The following ZNF337 variants were observed in gnomAD, a reference collection of about 807,000 sequenced individuals.
ZNF337 encodes zinc finger protein 337.
ZNF337 carries 8 observed loss-of-function variants against 12.1 expected under a neutral mutation model. The ratio of observed to expected loss-of-function variants is 0.66; its 90% CI spans 0.39 to 1.19. ZNF337 has a LOEUF of 1.19. Among genes scored for constraint, ZNF337 ranks in the 50% most tolerant of loss-of-function variants. The pLI, the probability that ZNF337 is intolerant of heterozygous loss-of-function variation, is 0.01. For missense variants in ZNF337, 882 were observed against 896.6 expected (o/e 0.98, Z 0.21); for synonymous variants, 336 against 320.0 (o/e 1.05, Z -0.53).
At chr20:25,690,614 A>G (rs2065875670) in intron 1 of ZNF337, among the ~76,000 whole-genome samples, 1 of 152,210 alleles carries the variant, frequency 6.6e-6, no homozygotes, top group Non-Finnish European at 1.5e-5. Context: ...GCAAAGATGC[A>G]GACAGATTGA....
chr20:25,688,532 TATG>T (rs762784540), intron 1 of ZNF337, among the ~76,000 whole-genome samples: 26 of 152,364 alleles, frequency 1.7e-4, no homozygotes, highest in Admixed American at 3.9e-4. Context: ...CACCATTAAA[TATG>T]ATGATTGCAG....
intron 1 of ZNF337, among the ~76,000 whole-genome samples, chr20:25,688,132 T>A (rs2065851557): frequency 6.6e-6 from 1 of 152,266 alleles, no homozygotes; most frequent in Admixed American, 6.5e-5. Flanking sequence ...ATCTGTGCTA[T>A]CTTTACCTAT....
In ZNF337 at chr20:25,682,432, T is replaced by C. The variant is rs1052472475; in HGVS notation, c.250+3135A>G. 3.9e-5 allele frequency among the ~76,000 whole-genome samples: 6 copies of C among 152,298 alleles called. No individual in the cohort carries two copies. The South Asian group carries it at 8.3e-4, about 21-fold the overall frequency. On this transcript the variant is annotated intron_variant, in intron 4 of 4. Coordinates refer to ENST00000252979, the MANE Select transcript of ZNF337 (RefSeq NM_015655.4). ...TTAGTAGATATGGAACAATCCACTA[T>C]GAATATAGAAGATGTAAAAATCATC...
intron 1 of ZNF337, 148 bp from the exon 2 acceptor site, chr20:25,686,614 G>A: frequency 1.7e-6 from 1 of 599,348 alleles, no homozygotes; most frequent in East Asian, 2.9e-5. Context: ...GGTCTAGGGA[G>A]CCAGGCTCCC....
In ZNF337 at chr20:25,675,868, T is replaced by G; in HGVS notation, c.1420A>C (p.Thr474Pro). Residue 474 changes from threonine (T) to proline (P), a missense_variant, in exon 5 of 5, where the codon ACC becomes CCC. By Grantham distance (38) the Thr-to-Pro change is conservative (BLOSUM62 -1). Transcript: ENST00000252979. ...DCGRGFIQKS[T>P]FTLHQRTHSE... The stretch of plus-strand genomic sequence containing the variant: ...TGTGTCCTCTGGTGTAAAGTGAAGG[T>G]TGACTTTTGGATAAAGCCTCGTCCA... 2 of 1,613,582 alleles carry G rather than the reference T, an allele frequency of 1.2e-6. No homozygotes were observed. Among genetic ancestry groups the G allele is most frequent in the South Asian group, 2.2e-5 (2 of 91,038 alleles).
chr20:25,676,372 A>G lies in ZNF337; in HGVS notation c.916T>C (p.Ser306Pro). ...TGCGCCTTCAAGTGCTTGTTGTATG[A>G]GGACTTATCGTTAAACCTTCGCCCA... ...ECGRRFNDKS[S>P]YNKHLKAHSG... is the part of the protein sequence containing the mutation. Residue 306 changes from serine to proline, a missense_variant, in exon 5 of 5, where the codon TCA becomes CCA. Transcript: ENST00000252979. 2 of 1,613,202 alleles carry G rather than the reference A, an allele frequency of 1.2e-6. No individual in the cohort carries two copies. The highest frequency in any genetic ancestry group is 8.5e-7 in the Non-Finnish European group (1 of 1,179,814).
chr20:25,696,091 C>A (rs1393737472), intron 1 of ZNF337, among the ~76,000 whole-genome samples: 1 of 100,530 alleles, frequency 9.9e-6, no homozygotes, highest in Non-Finnish European at 2.0e-5. Flanking sequence ...CGCAGATCCC[C>A]CCCCCCCCCC....
intron 1 of ZNF337, among the ~76,000 whole-genome samples, chr20:25,696,248 C>T (rs561049811): frequency 6.6e-6 from 1 of 152,118 alleles, no homozygotes; most frequent in Non-Finnish European, 1.5e-5. Context: ...TCCCCTGTCC[C>T]GCCTCCCACA....
chr20:25,696,828 A>G lies in ZNF337; in HGVS notation c.-119T>C, dbSNP rs1033937287. 6.4e-5 allele frequency: 63 copies of G among 985,308 alleles called. No individual in the cohort carries two copies. Among genetic ancestry groups the G allele is most frequent in the Non-Finnish European group, 7.2e-5 (60 of 829,942 alleles). 61.0% of individuals were successfully genotyped at this position (985,308 alleles called of 1,614,324 possible). Reference sequence around the variant, plus strand: ...GGACCACGCATCTCACGGCTCGCTGACGCCCAGGGATCTGGAACGCTCTGC... The same window carrying G: ...GGACCACGCATCTCACGGCTCGCTGGCGCCCAGGGATCTGGAACGCTCTGC... On this transcript the variant is annotated 5_prime_UTR_variant, in exon 1 of 5. Coordinates refer to ENST00000252979, the MANE Select transcript of ZNF337 (RefSeq NM_015655.4).
chr20:25,674,849 T>C lies in ZNF337; in HGVS notation c.*183A>G. The C allele has an allele frequency of 1.6e-6, 1 of 614,708 alleles. No homozygotes were observed. Among genetic ancestry groups the C allele is most frequent in the East Asian group, 2.8e-5 (1 of 36,344 alleles). The allele number at this position is 614,708 out of a possible 1,614,324, so 38.1% of individuals were successfully genotyped here. ...AACTGGCATCTCTGTTCCCTAAACATTGACCTCTTTTCTCTGAATCTCTTG... is the reference window on the plus strand; with the variant it reads ...AACTGGCATCTCTGTTCCCTAAACACTGACCTCTTTTCTCTGAATCTCTTG... On this transcript the variant is annotated 3_prime_UTR_variant, in exon 5 of 5. Transcript: ENST00000252979.
chr20:25,683,758 C>T (rs919300989), intron 4 of ZNF337, among the ~76,000 whole-genome samples: 8 of 152,100 alleles, frequency 5.3e-5, no homozygotes, highest in African/African-American at 1.4e-4. Context: ...GTTGGTGGGA[C>T]TGTAAACTAG....
chr20:25,686,363 C>T, intron 2 of ZNF337, 28 bp downstream of exon 2: 1 of 1,605,030 alleles, frequency 6.2e-7, no homozygotes, highest in Non-Finnish European at 8.5e-7. Context: ...CCTGTGACAG[C>T]AAGAACGACA....
intron 1 of ZNF337, among the ~76,000 whole-genome samples, chr20:25,691,145 A>C (rs1205050162): frequency 1.3e-5 from 2 of 152,238 alleles, no homozygotes; most frequent in Non-Finnish European, 1.5e-5. Context: ...AAGGAAGCAA[A>C]CAAAAATTCT....
chr20:25,685,792 T>C, intron 3 of ZNF337, 130 bp from the exon 4 acceptor site: 1 of 1,142,270 alleles, frequency 8.8e-7, no homozygotes. Context: ...CTGTCTACCA[T>C]GCTCAGAGTA....
chr20:25,681,653 T>G (rs1229885798), intron 4 of ZNF337, among the ~76,000 whole-genome samples: 1 of 152,048 alleles, frequency 6.6e-6, no homozygotes, highest in East Asian at 1.9e-4. Context: ...GGGCAGGAAA[T>G]GACTGGAAAA....
chr20:25,691,601 C>G (rs996330992), intron 1 of ZNF337, among the ~76,000 whole-genome samples: 2 of 152,182 alleles, frequency 1.3e-5, no homozygotes, highest in African/African-American at 4.8e-5. Context: ...AGACTGAGAA[C>G]TGGAGAGGGA....
At position 25,674,198 on chromosome 20, in the gene ZNF337, T is replaced by C. The variant is rs1569002582; in HGVS notation, c.*834A>G. 1 of 152,200 alleles carries C rather than the reference T, an allele frequency of 6.6e-6. No homozygotes were observed. Among genetic ancestry groups the C allele is most frequent in the African/African-American group, 2.4e-5 (1 of 41,448 alleles). The allele number at this position is 152,200 out of a possible 1,614,324, so 9.4% of individuals were successfully genotyped here. On this transcript the variant is annotated 3_prime_UTR_variant, in exon 5 of 5. Transcript: ENST00000252979. ...GTCTATTTGAGCTGTTATAATAAAA[T>C]ACCACTGACTAGGAAATGTATAAAG...
chr20:25,695,426 G>T (rs942174769), intron 1 of ZNF337, among the ~76,000 whole-genome samples: 11 of 152,192 alleles, frequency 7.2e-5, no homozygotes, highest in Admixed American at 3.9e-4. Context: ...CAGTCTTCAG[G>T]CAGTAGCTTA....
In ZNF337 at chr20:25,675,814, C is replaced by G; in HGVS notation, c.1474G>C (p.Glu492Gln). ...HSEEKPYGCRECGRRFRDKSS... is the reference protein window; with the variant it reads ...HSEEKPYGCRQCGRRFRDKSS... ...TTATCCCGAAACCTTCGCCCACACT[C>G]CCGACATCCATAAGGCTTCTCCTCT... The change falls in exon 5 of 5, where the codon GAG becomes CAG. Residue 492 changes from glutamate (E) to glutamine (Q), a missense_variant. Coordinates refer to ENST00000252979, the MANE Select transcript of ZNF337 (RefSeq NM_015655.4). 1 of 1,614,060 alleles carries G rather than the reference C, an allele frequency of 6.2e-7. No individual in the cohort carries two copies. Among genetic ancestry groups the G allele is most frequent in the Non-Finnish European group, 8.5e-7 (1 of 1,180,016 alleles).
Sources: allele counts gnomAD v4.1 joint callset (sites outside exome capture counted in the v4.1 genomes callset), GRCh38; gene constraint gnomAD v4.1.1; transcripts MANE v1.5; gene names NCBI Gene and HGNC (gene_info 2026-07-23, HGNC 2026-07-21).